Variants in KCNQ3 observed in about 807,000 individuals in gnomAD.
KCNQ3 encodes potassium voltage-gated channel subfamily KQT member 3.
KCNQ3 carries 30 observed loss-of-function variants against 92.5 expected under a neutral mutation model. The ratio of observed to expected loss-of-function variants is 0.32; its 90% CI spans 0.24 to 0.44. The LOEUF (loss-of-function observed/expected upper bound fraction) is 0.44. KCNQ3 is among the 20% of genes least tolerant of loss of function. The pLI, the probability that KCNQ3 is intolerant of heterozygous loss-of-function variation, is 1.00. For missense variants in KCNQ3, 913 were observed against 1,140.3 expected (o/e 0.80, Z 2.87); for synonymous variants, 450 against 468.8 (o/e 0.96, Z 0.52).
chr8:132,393,527 T>C (rs560980090), intron 1 of KCNQ3, among the ~76,000 whole-genome samples: 125 of 152,340 alleles, frequency 8.2e-4, no homozygotes, highest in Non-Finnish European at 1.6e-3. Flanking sequence ...GGCTGGCCTA[T>C]AGGACACAGT....
chr8:132,360,816 G>C (rs1344681217), intron 1 of KCNQ3, among the ~76,000 whole-genome samples: 1 of 152,196 alleles, frequency 6.6e-6, no homozygotes, highest in Non-Finnish European at 1.5e-5. Flanking sequence ...TGTCACGAAG[G>C]TATAAACTTG....
intron 1 of KCNQ3, among the ~76,000 whole-genome samples, chr8:132,412,914 G>A (rs531259271): frequency 2.4e-4 from 36 of 152,262 alleles, no homozygotes; most frequent in African/African-American, 8.4e-4. Flanking sequence ...GCAAGTGACC[G>A]GGGAGGCAGC....
chr8:132,156,489 T>C (rs1289637018), intron 9 of KCNQ3, among the ~76,000 whole-genome samples: 1 of 152,146 alleles, frequency 6.6e-6, no homozygotes, highest in African/African-American at 2.4e-5. Context: ...GAAATGACCA[T>C]AGATCTGGAG....
At chr8:132,243,516 G>C (rs1361074976) in intron 1 of KCNQ3, among the ~76,000 whole-genome samples, 1 of 152,234 alleles carries the variant, frequency 6.6e-6, no homozygotes, top group East Asian at 1.9e-4. Flanking sequence ...GATGGGAGCA[G>C]AGTAAAAAAT....
intron 1 of KCNQ3, among the ~76,000 whole-genome samples, chr8:132,440,198 C>T (rs1429056414): frequency 2.0e-5 from 3 of 152,098 alleles, no homozygotes; most frequent in African/African-American, 7.2e-5. Context: ...TTGGTTTGAA[C>T]TCTTGGATGC....
At chr8:132,428,086 G>A (rs2130819953) in intron 1 of KCNQ3, among the ~76,000 whole-genome samples, 1 of 152,098 alleles carries the variant, frequency 6.6e-6, no homozygotes, top group South Asian at 2.1e-4. Context: ...CTCAGGCCTT[G>A]TCCCTCTGCA....
chr8:132,333,062 A>AT (rs1563864375), intron 1 of KCNQ3, among the ~76,000 whole-genome samples: 138 of 147,232 alleles, frequency 9.4e-4, no homozygotes, highest in African/African-American at 3.6e-3. Context: ...GATGGATGGA[A>AT]GATGAACAAA....
chr8:132,273,922 C>T (rs1816243822), intron 1 of KCNQ3, among the ~76,000 whole-genome samples: 1 of 152,138 alleles, frequency 6.6e-6, no homozygotes, highest in Non-Finnish European at 1.5e-5. Context: ...TTTCATTGTC[C>T]ATATCATTTT....
chr8:132,366,871 T>C (rs1176258734), intron 1 of KCNQ3, among the ~76,000 whole-genome samples: 1 of 152,192 alleles, frequency 6.6e-6, no homozygotes, highest in African/African-American at 2.4e-5. Context: ...ATTTAGAATG[T>C]TTGCTTAATT....
chr8:132,338,103 T>C (rs1156856718), intron 1 of KCNQ3, among the ~76,000 whole-genome samples: 1 of 152,194 alleles, frequency 6.6e-6, no homozygotes, highest in African/African-American at 2.4e-5. Context: ...TTTGGATTTA[T>C]TGAGTGCCTT....
At chr8:132,323,251 G>A (rs980397483) in intron 1 of KCNQ3, among the ~76,000 whole-genome samples, 6 of 152,174 alleles carry the variant, frequency 3.9e-5, no homozygotes, top group African/African-American at 1.4e-4. Context: ...GAGATCTCCT[G>A]ACCTCAGGAT....
At chr8:132,479,881 C>T (rs1252147807) in intron 1 of KCNQ3, among the ~76,000 whole-genome samples, 3 of 151,660 alleles carry the variant, frequency 2.0e-5, no homozygotes, top group Non-Finnish European at 4.4e-5. Flanking sequence ...CGCACACATC[C>T]GCCCAAATCA....
At chr8:132,336,852 C>A (rs1194166368) in intron 1 of KCNQ3, among the ~76,000 whole-genome samples, 1 of 152,176 alleles carries the variant, frequency 6.6e-6, no homozygotes, top group Non-Finnish European at 1.5e-5. Context: ...AATTCACAGG[C>A]CCTCTTATAG....
At position 132,129,551 on chromosome 8, in the gene KCNQ3, C is replaced by G; in HGVS notation, c.2330G>C (p.Arg777Pro). Residue 777 changes from arginine to proline, a missense_variant, in exon 15 of 15, where the codon CGG becomes CCG. Transcript: ENST00000388996. The surrounding 1 kb of genome is among the most constrained non-coding windows in gnomAD (Gnocchi z 5.9). ...QGPYSDRISPRQRRSITRDSD... is the reference protein window; with the variant it reads ...QGPYSDRISPPQRRSITRDSD... ...GTCTCGCGTGATGCTACGTCTCTGC[C>G]GGGGGGAGATTCGGTCCGAGTAGGG... 1 of 1,614,120 alleles carries G rather than the reference C, an allele frequency of 6.2e-7. No individual in the cohort carries two copies. Among genetic ancestry groups the G allele is most frequent in the Non-Finnish European group, 8.5e-7 (1 of 1,180,024 alleles).
intron 1 of KCNQ3, among the ~76,000 whole-genome samples, chr8:132,307,500 C>T (rs1025926550): frequency 2.8e-4 from 43 of 152,244 alleles, no homozygotes; most frequent in African/African-American, 9.6e-4. Context: ...TGACTTAGGC[C>T]GAATCACTTC....
At chr8:132,211,039 C>T (rs1407949057) in intron 1 of KCNQ3, among the ~76,000 whole-genome samples, 2 of 152,238 alleles carry the variant, frequency 1.3e-5, no homozygotes, top group African/African-American at 4.8e-5. Flanking sequence ...CAGCACTCTG[C>T]ACAGGCCTGC....
chr8:132,388,509 G>GA (rs571537637), intron 1 of KCNQ3, among the ~76,000 whole-genome samples: 168 of 151,406 alleles, frequency 1.1e-3, no homozygotes, highest in African/African-American at 2.6e-3. Context: ...TCATCAATTA[G>GA]AAAAAAAATA....
At chr8:132,389,571 C>G (rs901915566) in intron 1 of KCNQ3, among the ~76,000 whole-genome samples, 9 of 152,174 alleles carry the variant, frequency 5.9e-5, no homozygotes, top group African/African-American at 1.9e-4. Context: ...TATCCAGAAT[C>G]TGTAAGGAAA....
chr8:132,243,382 G>C (rs7017664), intron 1 of KCNQ3, among the ~76,000 whole-genome samples: 87,189 of 152,076 alleles, frequency 0.57, 25,871 homozygotes, highest in East Asian at 0.81. Context: ...TCCTGGAGGA[G>C]GTGACAGGTG....
Sources: allele counts gnomAD v4.1 joint callset (sites outside exome capture counted in the v4.1 genomes callset), GRCh38; gene constraint gnomAD v4.1.1; non-coding constraint Gnocchi (gnomAD v3.1); transcripts MANE v1.5; gene names NCBI Gene and HGNC (gene_info 2026-07-23, HGNC 2026-07-21).